BCAT1: variants seen among roughly 807,000 people sequenced by gnomAD.
BCAT1 encodes the protein branched-chain-amino-acid aminotransferase, cytosolic.
BCAT1 carries 48 observed loss-of-function variants against 52.4 expected under a neutral mutation model. The observed-to-expected ratio is 0.92, with a 90% CI of 0.73 to 1.16. The LOEUF (loss-of-function observed/expected upper bound fraction) is 1.16. Ranked by LOEUF, BCAT1 falls within the 50% of genes most tolerant of loss-of-function variation. The pLI is 0.00. For synonymous variants in BCAT1, 167 were observed against 161.3 expected, an observed-to-expected ratio of 1.04 and a Z score of -0.27; for missense variants, 451 against 457.1, an observed-to-expected ratio of 0.99 and a Z score of 0.12.
At chr12:24,880,891 A>G (rs935917232) in intron 4 of BCAT1, among the ~76,000 whole-genome samples, 10 of 150,840 alleles carry the variant, frequency 6.6e-5, no homozygotes, top group Non-Finnish European at 1.5e-4. Context: ...GCTGGAGGGC[A>G]GTGATGTGAT....
chr12:24,847,184 T>C (rs567526728), intron 6 of BCAT1, among the ~76,000 whole-genome samples: 7 of 152,272 alleles, frequency 4.6e-5, no homozygotes, highest in African/African-American at 1.4e-4. Flanking sequence ...GGCAATTAGG[T>C]TGGTTTGTTT....
At chr12:24,839,448 T>G (rs188710540) in intron 7 of BCAT1, among the ~76,000 whole-genome samples, 91 of 152,296 alleles carry the variant, frequency 6.0e-4, no homozygotes, top group Middle Eastern at 3.4e-3. Flanking sequence ...TGGGTCTTAT[T>G]TTTCAGGGTA....
chr12:24,836,703 CAT>C lies in BCAT1; in HGVS notation c.818-109_818-108del, dbSNP rs902387761. On this transcript the variant is annotated intron_variant, in intron 7 of 10. Coordinates refer to ENST00000261192, the MANE Select transcript of BCAT1 (RefSeq NM_005504.7). ...CCATCACAATTTTGCTAGCAACAAA[CAT>C]AAAGAAAATTTTACTGTTCTGCATG... is the stretch of plus-strand genomic sequence containing the variant. 6.3e-6 allele frequency: 6 copies of C among 951,486 alleles called. No individual in the cohort carries two copies. The African/African-American group carries it at 6.6e-5, about 10-fold the overall frequency. 58.9% of individuals were successfully genotyped at this position (951,486 alleles called of 1,614,324 possible). A position where few individuals can be genotyped will look rare whatever the true frequency, so the allele number is the denominator to read the frequency against.
chr12:24,858,130 C>T (rs528567488), intron 5 of BCAT1, among the ~76,000 whole-genome samples: 1 of 152,280 alleles, frequency 6.6e-6, no homozygotes, highest in Admixed American at 6.5e-5. Flanking sequence ...CCGGCTCTGT[C>T]CCCACACGTT....
At chr12:24,858,122 G>T (rs370381666) in intron 5 of BCAT1, among the ~76,000 whole-genome samples, 1 of 152,038 alleles carries the variant, frequency 6.6e-6, no homozygotes, top group African/African-American at 2.4e-5. Context: ...ATGTTTTCCC[G>T]GCTCTGTCCC....
chr12:24,820,359 G>A (rs920512716), intron 10 of BCAT1, among the ~76,000 whole-genome samples: 23 of 152,100 alleles, frequency 1.5e-4, no homozygotes, highest in Non-Finnish European at 2.9e-4. Context: ...TTTGGCTGAT[G>A]GATAATGCAA....
At chr12:24,901,975 C>A in intron 1 of BCAT1, 90 bp from the exon 2 acceptor site, 3 of 1,608,772 alleles carry the variant, frequency 1.9e-6, no homozygotes, top group East Asian at 4.5e-5. Flanking sequence ...TGATACCGTG[C>A]GCTCCTCTCC....
At chr12:24,851,601 G>A (rs1222316733) in intron 5 of BCAT1, among the ~76,000 whole-genome samples, 14 of 152,238 alleles carry the variant, frequency 9.2e-5, no homozygotes, top group Non-Finnish European at 1.9e-4. Flanking sequence ...TATGATGGTT[G>A]ATGGAAGACT....
intron 2 of BCAT1, among the ~76,000 whole-genome samples, chr12:24,900,550 T>C (rs55855818): frequency 0.042 from 6,360 of 152,334 alleles, 185 homozygotes; most frequent in African/African-American, 0.077. Context: ...ATGGTGCCAC[T>C]GCACTTCAGT....
chr12:24,915,813 A>G (rs759718754), intron 1 of BCAT1, among the ~76,000 whole-genome samples: 47 of 152,352 alleles, frequency 3.1e-4, no homozygotes, highest in Middle Eastern at 3.4e-3. Flanking sequence ...ATGGCTCTTA[A>G]GTTGGCTTTG....
chr12:24,842,703 C>T (rs1201789031), intron 6 of BCAT1, among the ~76,000 whole-genome samples: 3 of 152,152 alleles, frequency 2.0e-5, no homozygotes, highest in South Asian at 2.1e-4. Context: ...TCTTATCTAA[C>T]ACCTTTTAAT....
chr12:24,899,842 A>T (rs894431919), intron 2 of BCAT1, among the ~76,000 whole-genome samples: 2 of 152,110 alleles, frequency 1.3e-5, no homozygotes, highest in African/African-American at 2.4e-5. Flanking sequence ...AGCTAAAAAA[A>T]AAAGTTGATC....
upstream of BCAT1, chr12:24,949,128 C>G (rs1015528015): frequency 1.7e-6 from 1 of 590,946 alleles, no homozygotes; most frequent in Non-Finnish European, 3.0e-6. Context: ...GGCGGAGACT[C>G]GCGACCTAGC....
intron 1 of BCAT1, chr12:24,902,123 G>C: frequency 6.9e-7 from 1 of 1,455,518 alleles, no homozygotes; most frequent in Non-Finnish European, 9.0e-7. Flanking sequence ...CTCCTCCGCC[G>C]GCTCAGGGAA....
intron 6 of BCAT1, 111 bp downstream of exon 6, chr12:24,849,675 T>G: frequency 1.3e-4 from 158 of 1,171,056 alleles, no homozygotes; most frequent in Non-Finnish European, 1.6e-4. Flanking sequence ...TGAAACACAA[T>G]GAGCATTAAA....
chr12:24,847,486 A>G (rs573904843), intron 6 of BCAT1, among the ~76,000 whole-genome samples: 1 of 152,358 alleles, frequency 6.6e-6, no homozygotes, highest in Non-Finnish European at 1.5e-5. Context: ...TTTTTAAGCC[A>G]GGTCTTTCTG....
intron 10 of BCAT1, among the ~76,000 whole-genome samples, chr12:24,827,320 ATT>A (rs140806896): frequency 0.61 from 92,157 of 151,928 alleles, 28,615 homozygotes; most frequent in East Asian, 0.82. Flanking sequence ...CCATGCAGAA[ATT>A]TTTATTAGCT....
chr12:24,837,111 G>GAAAC (rs1941005736), intron 7 of BCAT1, among the ~76,000 whole-genome samples: 1 of 98,600 alleles, frequency 1.0e-5, no homozygotes, highest in South Asian at 3.6e-4. Context: ...AAGGAAGAAA[G>GAAAC]AGAAGGAAGG....
chr12:24,939,094 G>A (rs1027893428), intron 1 of BCAT1, among the ~76,000 whole-genome samples: 4 of 152,176 alleles, frequency 2.6e-5, no homozygotes, highest in East Asian at 1.9e-4. Context: ...GGCTAGTCTC[G>A]AACTCCTGGC....
Sources: allele counts gnomAD v4.1 joint callset (sites outside exome capture counted in the v4.1 genomes callset), GRCh38; gene constraint gnomAD v4.1.1; transcripts MANE v1.5; gene names NCBI Gene and HGNC (gene_info 2026-07-23, HGNC 2026-07-21).